The following PPP3CB variants were observed in gnomAD, a reference collection of about 807,000 sequenced individuals.
PPP3CB encodes protein phosphatase 3 catalytic subunit beta, also known as serine/threonine-protein phosphatase 2B catalytic subunit beta isoform.
Under a neutral mutation model 66.4 loss-of-function variants are expected in PPP3CB, and 8 were observed. The ratio of observed to expected loss-of-function variants is 0.12; its 90% confidence interval spans 0.07 to 0.22. The LOEUF is 0.22. Ranked by LOEUF, PPP3CB falls within the 10% of genes least tolerant of loss-of-function variation. PPP3CB has a pLI of 1.00. For synonymous variants in PPP3CB, 208 were observed against 221.2 expected, an observed-to-expected ratio of 0.94 and a Z score of 0.53; for missense variants, 319 against 642.5, an observed-to-expected ratio of 0.50 and a Z score of 5.44.
At chr10:73,482,045 A>G (rs2056888021) in intron 1 of PPP3CB, among the ~76,000 whole-genome samples, 1 of 152,224 alleles carries the variant, frequency 6.6e-6, no homozygotes, top group South Asian at 2.1e-4. Context: ...ATGGTAGAGT[A>G]ATTGTTTAAA....
intron 9 of PPP3CB, among the ~76,000 whole-genome samples, chr10:73,455,141 C>T (rs2056405393): frequency 6.6e-6 from 1 of 152,128 alleles, no homozygotes; most frequent in African/African-American, 2.4e-5. Flanking sequence ...CCTTGGCCTC[C>T]CAAAGTGCTG....
At chr10:73,492,769 T>C (rs1173862860) in intron 1 of PPP3CB, among the ~76,000 whole-genome samples, 3 of 152,166 alleles carry the variant, frequency 2.0e-5, no homozygotes, top group Admixed American at 6.5e-5. Context: ...ATCAATGACA[T>C]GGAATTACCA....
chr10:73,495,739 T>C, intron 1 of PPP3CB, 66 bp downstream of exon 1: 1 of 1,503,588 alleles, frequency 6.7e-7, no homozygotes, highest in Non-Finnish European at 8.9e-7. Context: ...GGGGACGGTC[T>C]CCCGCCCGCC....
intron 1 of PPP3CB, among the ~76,000 whole-genome samples, chr10:73,493,275 CAA>C (rs544990577): frequency 7.6e-5 from 8 of 105,852 alleles, no homozygotes; most frequent in Non-Finnish European, 7.9e-5. Context: ...AACTCCGTCT[CAA>C]AAAAAAAAAA....
At chr10:73,458,112 A>C (rs770065152) in intron 9 of PPP3CB, among the ~76,000 whole-genome samples, 3 of 152,196 alleles carry the variant, frequency 2.0e-5, no homozygotes, top group African/African-American at 7.2e-5. Flanking sequence ...TATACTTCAT[A>C]AATTTATATA....
At chr10:73,478,371 C>A in intron 3 of PPP3CB, 128 bp downstream of exon 3, 1 of 753,368 alleles carries the variant, frequency 1.3e-6, no homozygotes, top group Non-Finnish European at 2.1e-6. Context: ...AGTAGCTTTT[C>A]ATAAAAACTT....
At chr10:73,485,523 C>T (rs767064629) in intron 1 of PPP3CB, among the ~76,000 whole-genome samples, 8 of 152,174 alleles carry the variant, frequency 5.3e-5, no homozygotes, top group Non-Finnish European at 1.0e-4. Flanking sequence ...ATTCAGATGC[C>T]TAAGGTCAGT....
At position 73,479,342 on chromosome 10, in the gene PPP3CB, C is replaced by T. The variant is rs769657167; in HGVS notation, c.261G>A (p.Met87Ile). Residue 87 changes from methionine to isoleucine, a missense_variant, in exon 2 of 14, where the codon ATG becomes ATA. Around this residue, in one of 5 missense-constraint regions of PPP3CB, gnomAD observed 104 missense variants for 128.4 expected, o/e 0.81. Transcript: ENST00000360663. ...CTGTGATTGGAGCTTCTACTTCTAT[C>T]ATGGTTTTCTCTCTCCGAAGGATGG... ...GAAILRREKT[M>I]IEVEAPITVC... 1.5e-5 allele frequency: 25 copies of T among 1,614,084 alleles called. No individual in the cohort carries two copies. In the South Asian group the frequency reaches 2.3e-4, roughly 15 times the overall value.
chr10:73,468,224 A>G (rs979528294), intron 8 of PPP3CB, among the ~76,000 whole-genome samples: 1 of 152,210 alleles, frequency 6.6e-6, no homozygotes, highest in Admixed American at 6.5e-5. Flanking sequence ...AAATTACTAC[A>G]AAGAAATATT....
chr10:73,451,824 T>C (rs1452458087), intron 10 of PPP3CB, among the ~76,000 whole-genome samples: 2 of 150,880 alleles, frequency 1.3e-5, no homozygotes, highest in African/African-American at 4.9e-5. Context: ...CGACTCACTG[T>C]AACCTCCGCC....
At chr10:73,448,395 T>C (rs2056293537) in intron 10 of PPP3CB, among the ~76,000 whole-genome samples, 1 of 152,016 alleles carries the variant, frequency 6.6e-6, no homozygotes, top group African/African-American at 2.4e-5. Flanking sequence ...CAGGGAAAAG[T>C]ACAAAACATT....
At chr10:73,459,455 C>T (rs889640177) in intron 9 of PPP3CB, among the ~76,000 whole-genome samples, 4 of 152,254 alleles carry the variant, frequency 2.6e-5, no homozygotes, top group Non-Finnish European at 5.9e-5. Context: ...CACTGCGCTC[C>T]AGCCTGGGCG....
intron 1 of PPP3CB, among the ~76,000 whole-genome samples, chr10:73,485,057 A>T (rs111942393): frequency 0.045 from 6,825 of 152,228 alleles, 465 homozygotes; most frequent in African/African-American, 0.15. Context: ...TCTCAAAAAA[A>T]TAAACCAATC....
intron 9 of PPP3CB, among the ~76,000 whole-genome samples, chr10:73,455,307 A>AT (rs2056408250): frequency 1.3e-5 from 2 of 151,816 alleles, no homozygotes; most frequent in African/African-American, 4.8e-5. Flanking sequence ...TATTCTGTAT[A>AT]TTTTTTTCCT....
intron 10 of PPP3CB, among the ~76,000 whole-genome samples, chr10:73,449,023 A>G (rs1042117385): frequency 2.6e-5 from 4 of 152,238 alleles, no homozygotes; most frequent in African/African-American, 9.6e-5. Flanking sequence ...AGACTGAAAA[A>G]AGACTGCTAA....
intron 10 of PPP3CB, among the ~76,000 whole-genome samples, chr10:73,449,365 T>C (rs1042150295): frequency 6.6e-6 from 1 of 152,168 alleles, no homozygotes; most frequent in Non-Finnish European, 1.5e-5. Context: ...TCTGGGAAAT[T>C]TGGGGGACAT....
intron 1 of PPP3CB, among the ~76,000 whole-genome samples, chr10:73,489,853 C>T (rs7923276): frequency 0.049 from 7,524 of 152,166 alleles, 565 homozygotes; most frequent in African/African-American, 0.16. Flanking sequence ...GCTTCTGTTA[C>T]ACCTACTCTA....
chr10:73,473,111 T>C (rs1256548278), intron 4 of PPP3CB, among the ~76,000 whole-genome samples: 1 of 152,202 alleles, frequency 6.6e-6, no homozygotes, highest in Non-Finnish European at 1.5e-5. Flanking sequence ...AATTCTAATT[T>C]GACTGCTTTT....
Position 73,470,773 on chromosome 10 carries a change from A to G in PPP3CB, c.896T>C (p.Met299Thr). 6.2e-7 allele frequency: 1 copy of G among 1,601,046 alleles called. No individual in the cohort carries two copies. The highest frequency in any genetic ancestry group is 8.5e-7 in the Non-Finnish European group (1 of 1,172,856). The change falls in exon 8 of 14, where the codon ATG becomes ACG. Residue 299 changes from methionine (M) to threonine (T), a missense_variant. Physicochemically the swap from Met to Thr is moderately conservative, Grantham distance 81. Coordinates refer to ENST00000360663, the MANE Select transcript of PPP3CB (RefSeq NM_021132.4). ...AHEAQDAGYRMYRKSQTTGFP... is the reference protein window; with the variant it reads ...AHEAQDAGYRTYRKSQTTGFP... ...CCCTGTAGTTTGACTTTTTCTGTACATTCTATAGCTGCAAAACAAATAGCT... is the reference window on the plus strand; with the variant it reads ...CCCTGTAGTTTGACTTTTTCTGTACGTTCTATAGCTGCAAAACAAATAGCT...
Sources: allele counts gnomAD v4.1 joint callset (sites outside exome capture counted in the v4.1 genomes callset), GRCh38; gene constraint gnomAD v4.1.1; regional missense constraint gnomAD v4.1.1; transcripts MANE v1.5; gene names NCBI Gene and HGNC (gene_info 2026-07-23, HGNC 2026-07-21).